Variants in MMS22L observed in about 807,000 individuals in gnomAD.
MMS22L encodes the protein protein MMS22-like.
Under a neutral mutation model 159.1 loss-of-function variants are expected in MMS22L, and 74 were observed. The observed-to-expected ratio is 0.47, with a 90% CI of 0.39 to 0.56. The LOEUF is 0.56. Among genes scored for constraint, MMS22L ranks in the 20% least tolerant of loss-of-function variants. The pLI is 0.00. For synonymous variants in MMS22L, 517 were observed against 506.9 expected (o/e 1.02, Z -0.27); for missense variants, 1,351 against 1,422.1 (o/e 0.95, Z 0.80).
intron 14 of MMS22L, among the ~76,000 whole-genome samples, chr6:97,199,699 G>GT (rs915751386): frequency 4.6e-4 from 66 of 144,628 alleles, no homozygotes; most frequent in Admixed American, 1.0e-3. Flanking sequence ...ATAGTGACTT[G>GT]TTTTTTTTTT....
At chr6:97,180,336 T>C (rs1804586324) in intron 16 of MMS22L, among the ~76,000 whole-genome samples, 1 of 152,058 alleles carries the variant, frequency 6.6e-6, no homozygotes, top group Non-Finnish European at 1.5e-5. Context: ...CTCCTGACCT[T>C]ATGATCCGCC....
intron 8 of MMS22L, chr6:97,264,395 C>A: frequency 6.6e-6 from 1 of 150,528 alleles, no homozygotes; most frequent in Admixed American, 6.6e-5. Flanking sequence ...CCTCAGCAGC[C>A]CTAGATAATG....
chr6:97,184,047 A>G (rs760894436), intron 15 of MMS22L, among the ~76,000 whole-genome samples: 1 of 152,116 alleles, frequency 6.6e-6, no homozygotes, highest in Non-Finnish European at 1.5e-5. Context: ...ATCTTCTATC[A>G]GGCCTTTGCC....
At chr6:97,220,165 C>T (rs993672775) in intron 14 of MMS22L, among the ~76,000 whole-genome samples, 1 of 152,108 alleles carries the variant, frequency 6.6e-6, no homozygotes, top group African/African-American at 2.4e-5. Flanking sequence ...CAACTTTGAC[C>T]CTCAACTTCG....
chr6:97,168,319 A>G (rs1803187644), intron 19 of MMS22L, 79 bp from the exon 20 acceptor site: 1 of 1,372,634 alleles, frequency 7.3e-7, no homozygotes, highest in Non-Finnish European at 1.0e-6. Context: ...AAAAATTTGT[A>G]TTGAAAGCAC....
intron 19 of MMS22L, among the ~76,000 whole-genome samples, chr6:97,171,618 T>C (rs1326296446): frequency 1.3e-5 from 2 of 152,234 alleles, no homozygotes; most frequent in Non-Finnish European, 2.9e-5. Flanking sequence ...AGATCACAGA[T>C]GCCTTCTCCT....
At position 97,246,611 on chromosome 6, in the gene MMS22L, T is replaced by G. The variant is rs765883061; in HGVS notation, c.1182+17A>C. The G allele has an allele frequency of 1.3e-6, 2 of 1,592,062 alleles. No individual in the cohort carries two copies. Among genetic ancestry groups the G allele is most frequent in the African/African-American group, 2.7e-5 (2 of 74,176 alleles). The stretch of plus-strand genomic sequence containing the variant: ...AATTAAGCAAAATCCACAAACTGTC[T>G]TACTTTAATTGCATACCTGAACACT... On this transcript the variant is annotated intron_variant, in intron 11 of 24. Transcript: ENST00000683635.
At chr6:97,265,650 C>A (rs1815017728) in intron 8 of MMS22L, 2 of 151,330 alleles carry the variant, frequency 1.3e-5, no homozygotes, top group African/African-American at 4.8e-5. Flanking sequence ...GGAACGCAAA[C>A]AACTCAATAG....
At chr6:97,149,625 G>C (rs922692046) in intron 24 of MMS22L, among the ~76,000 whole-genome samples, 8 of 152,110 alleles carry the variant, frequency 5.3e-5, no homozygotes, top group Non-Finnish European at 1.2e-4. Context: ...CGGTCACTTT[G>C]AAAGGAAAAA....
intron 11 of MMS22L, among the ~76,000 whole-genome samples, chr6:97,235,391 G>A (rs1811288698): frequency 6.6e-6 from 1 of 152,102 alleles, no homozygotes; most frequent in East Asian, 1.9e-4. Flanking sequence ...TAGAGTTAAG[G>A]GATTAAAGTC....
chr6:97,239,441 A>G (rs1223242834), intron 11 of MMS22L, among the ~76,000 whole-genome samples: 1 of 152,214 alleles, frequency 6.6e-6, no homozygotes. Context: ...AAGGTAGAAC[A>G]CACGTTTACA....
At chr6:97,237,534 T>G (rs1338415807) in intron 11 of MMS22L, among the ~76,000 whole-genome samples, 1 of 152,216 alleles carries the variant, frequency 6.6e-6, no homozygotes, top group Non-Finnish European at 1.5e-5. Context: ...TTGTTAAGTT[T>G]AATGTTTATC....
At chr6:97,211,308 G>T (rs548508541) in intron 14 of MMS22L, among the ~76,000 whole-genome samples, 11 of 151,932 alleles carry the variant, frequency 7.2e-5, no homozygotes, top group Admixed American at 5.2e-4. Flanking sequence ...TGCAACATAC[G>T]TAATGTATAG....
chr6:97,162,205 T>G (rs1206796714), intron 21 of MMS22L, 40 bp from the exon 22 acceptor site: 3 of 1,551,992 alleles, frequency 1.9e-6, no homozygotes, highest in African/African-American at 1.4e-5. Flanking sequence ...TGCTTAAAGC[T>G]TCAATAGAGC....
chr6:97,226,273 T>C (rs1239526773), intron 14 of MMS22L, among the ~76,000 whole-genome samples: 3 of 152,096 alleles, frequency 2.0e-5, no homozygotes, highest in African/African-American at 7.2e-5. Flanking sequence ...AACAAGGAAT[T>C]TGCAAAACAA....
At chr6:97,226,477 C>T (rs1224384833) in intron 14 of MMS22L, among the ~76,000 whole-genome samples, 1 of 151,942 alleles carries the variant, frequency 6.6e-6, no homozygotes, top group Non-Finnish European at 1.5e-5. Flanking sequence ...GCCTGTAATC[C>T]CAGCTACTCA....
At chr6:97,241,792 G>C (rs1812105000) in intron 11 of MMS22L, among the ~76,000 whole-genome samples, 2 of 152,170 alleles carry the variant, frequency 1.3e-5, no homozygotes, top group Non-Finnish European at 2.9e-5. Context: ...CAGAGGTTTT[G>C]ATAGGTTGTG....
At chr6:97,256,872 A>G (rs1351235705) in intron 9 of MMS22L, among the ~76,000 whole-genome samples, 2 of 152,188 alleles carry the variant, frequency 1.3e-5, no homozygotes, top group Non-Finnish European at 2.9e-5. Context: ...ACTTGAGTTC[A>G]ACAGGTTGAG....
intron 22 of MMS22L, among the ~76,000 whole-genome samples, chr6:97,155,791 CAT>C (rs953335136): frequency 7.2e-5 from 11 of 152,316 alleles, no homozygotes; most frequent in African/African-American, 2.6e-4. Flanking sequence ...CTGCAATAAA[CAT>C]ATGTGTACAT....
Sources: gnomAD v4.1 joint callset for allele counts (sites outside exome capture counted in the v4.1 genomes callset) on GRCh38, gnomAD v4.1.1 for gene constraint, MANE v1.5 for transcripts, NCBI Gene and HGNC (gene_info 2026-07-23, HGNC 2026-07-21) for gene names.